The following RAB11FIP4 variants were observed in gnomAD, a reference collection of about 807,000 sequenced individuals.
RAB11FIP4 encodes the protein RAB11 family interacting protein 4.
A neutral mutation model predicts 74.3 loss-of-function variants in RAB11FIP4; 23 were observed. The ratio of observed to expected loss-of-function variants is 0.31; its 90% confidence interval spans 0.22 to 0.44. The LOEUF (loss-of-function observed/expected upper bound fraction) is 0.44. Ranked by LOEUF, RAB11FIP4 falls within the 20% of genes least tolerant of loss-of-function variation. The pLI is 1.00. For synonymous variants in RAB11FIP4, 360 were observed against 359.9 expected (o/e 1.00, Z 0.00); for missense variants, 630 against 863.9 (o/e 0.73, Z 3.39).
intron 1 of RAB11FIP4, among the ~76,000 whole-genome samples, chr17:31,400,557 C>G (rs1261181267): frequency 6.6e-6 from 1 of 152,154 alleles, no homozygotes; most frequent in Non-Finnish European, 1.5e-5. Context: ...GCAGAAGGGG[C>G]CGGGGAGAGG....
In RAB11FIP4 at chr17:31,512,056, CT is replaced by C. The variant is rs1243782435; in HGVS notation, c.337-5594del. 7.2e-5 allele frequency among the ~76,000 whole-genome samples: 11 copies of C among 152,298 alleles called. No individual in the cohort carries two copies. Among genetic ancestry groups the C allele is most frequent in the Admixed American group, 3.9e-4 (6 of 15,310 alleles). ...GTTCTCCAGCTCTCTCCAGAATGCC[CT>C]GGCCTCAGGTAATTCCTCAGCTTGG... On this transcript the variant is annotated intron_variant, in intron 3 of 14. Coordinates refer to ENST00000621161, the MANE Select transcript of RAB11FIP4 (RefSeq NM_032932.6). This position sits in a 1 kb window ranked among gnomAD's most constrained non-coding sequence, Gnocchi z 4.1.
chr17:31,447,131 A>AC (rs2071473986), intron 3 of RAB11FIP4, among the ~76,000 whole-genome samples: 1 of 152,204 alleles, frequency 6.6e-6, no homozygotes, highest in African/African-American at 2.4e-5. Flanking sequence ...AAAAATACAA[A>AC]AAATTAGCCG....
intron 3 of RAB11FIP4, among the ~76,000 whole-genome samples, chr17:31,438,241 G>T (rs558658287): frequency 6.6e-6 from 1 of 152,182 alleles, no homozygotes; most frequent in South Asian, 2.1e-4. Context: ...CGACACTCGG[G>T]TGCTAAAGGC....
chr17:31,415,639 CATT>C (rs1220989030), intron 1 of RAB11FIP4, among the ~76,000 whole-genome samples: 4 of 152,160 alleles, frequency 2.6e-5, no homozygotes, highest in Non-Finnish European at 5.9e-5. Context: ...CCAGTGCTGT[CATT>C]GTCCAGATGG....
intron 4 of RAB11FIP4, among the ~76,000 whole-genome samples, chr17:31,519,369 T>C (rs750468552): frequency 1.3e-5 from 2 of 152,196 alleles, no homozygotes; most frequent in South Asian, 4.1e-4. Context: ...ATATTGAGCA[T>C]GTACTCCCAT....
At chr17:31,497,862 C>T (rs1020058447) in intron 3 of RAB11FIP4, among the ~76,000 whole-genome samples, 1 of 152,154 alleles carries the variant, frequency 6.6e-6, no homozygotes, top group Non-Finnish European at 1.5e-5. Context: ...CCCCCTCCCT[C>T]TTGAGATTCC....
intron 3 of RAB11FIP4, among the ~76,000 whole-genome samples, chr17:31,453,148 G>A (rs1038677544): frequency 1.3e-5 from 2 of 151,952 alleles, no homozygotes; most frequent in African/African-American, 4.8e-5. Flanking sequence ...CCCAGGAGTT[G>A]GAGACCAGCC....
chr17:31,425,056 TAAGGGCATGGAGTCTGG>T (rs2071234801), intron 1 of RAB11FIP4, among the ~76,000 whole-genome samples: 1 of 152,242 alleles, frequency 6.6e-6, no homozygotes, highest in South Asian at 2.1e-4. Context: ...AATTACTGGC[TAAGGGCATGGAGTCTGG>T]AACCAGGCCT....
intron 3 of RAB11FIP4, among the ~76,000 whole-genome samples, chr17:31,506,546 C>T (rs1257412226): frequency 6.6e-6 from 1 of 152,222 alleles, no homozygotes; most frequent in African/African-American, 2.4e-5. Flanking sequence ...CCTCCCTTCT[C>T]CTACCCTCTC....
chr17:31,505,283 T>C lies in RAB11FIP4; in HGVS notation c.337-12368T>C, dbSNP rs1049174463. Among the ~76,000 whole-genome samples, 16 of 148,486 alleles carry C rather than the reference T, an allele frequency of 1.1e-4. 1 individual carries two copies. Among genetic ancestry groups the C allele is most frequent in the African/African-American group, 3.7e-4 (15 of 40,040 alleles). ...TTCATTAGCCTTTAATCTACTGGTGTTATTCTGCAGTTGTTGAGTGTAGTG... is the reference window on the plus strand; with the variant it reads ...TTCATTAGCCTTTAATCTACTGGTGCTATTCTGCAGTTGTTGAGTGTAGTG... On this transcript the variant is annotated intron_variant, in intron 3 of 14. Coordinates refer to ENST00000621161, the MANE Select transcript of RAB11FIP4 (RefSeq NM_032932.6).
intron 6 of RAB11FIP4, 136 bp downstream of exon 6, chr17:31,522,185 G>C: frequency 1.5e-6 from 2 of 1,326,096 alleles, no homozygotes; most frequent in Non-Finnish European, 2.1e-6. Context: ...TGATCCAGGG[G>C]CTTTTTCTGC....
intron 1 of RAB11FIP4, among the ~76,000 whole-genome samples, chr17:31,408,621 G>C (rs8065229): frequency 0.6 from 91,548 of 152,112 alleles, 30,341 homozygotes; most frequent in African/African-American, 0.87. Flanking sequence ...GGTAAGCCAT[G>C]CCATCCAGTT....
At chr17:31,523,475 G>T (rs372820189) in intron 7 of RAB11FIP4, 37 bp from the exon 8 acceptor site, 4 of 1,542,460 alleles carry the variant, frequency 2.6e-6, no homozygotes, top group Non-Finnish European at 3.6e-6. Flanking sequence ...TCTCTGGAAG[G>T]CCCCTGCAGC....
chr17:31,449,912 T>C (rs775713320), intron 3 of RAB11FIP4, among the ~76,000 whole-genome samples: 1 of 152,188 alleles, frequency 6.6e-6, no homozygotes, highest in Non-Finnish European at 1.5e-5. Flanking sequence ...ATCAGTTCTC[T>C]AGTCACATTT....
intron 3 of RAB11FIP4, among the ~76,000 whole-genome samples, chr17:31,503,332 C>T (rs1355972302): frequency 8.7e-5 from 13 of 149,790 alleles, no homozygotes; most frequent in Non-Finnish European, 1.3e-4. Context: ...CAGTTCAGCC[C>T]GGCCTGAATT....
chr17:31,398,228 C>T (rs942552073), intron 1 of RAB11FIP4, among the ~76,000 whole-genome samples: 2 of 152,130 alleles, frequency 1.3e-5, no homozygotes, highest in Non-Finnish European at 2.9e-5. Context: ...TTAGTAGAGA[C>T]AGGGTTTTGC....
At chr17:31,480,835 T>G (rs1003732660) in intron 3 of RAB11FIP4, among the ~76,000 whole-genome samples, 3 of 150,278 alleles carry the variant, frequency 2.0e-5, no homozygotes, top group African/African-American at 7.3e-5. Flanking sequence ...ATAGTCTCCC[T>G]GCCTCCAGGG....
At chr17:31,401,148 T>C (rs2070981674) in intron 1 of RAB11FIP4, among the ~76,000 whole-genome samples, 1 of 152,066 alleles carries the variant, frequency 6.6e-6, no homozygotes, top group Admixed American at 6.5e-5. Context: ...GGTGGGCGAC[T>C]GTAGTCCCAG....
chr17:31,475,754 C>T (rs1429142598), intron 3 of RAB11FIP4, among the ~76,000 whole-genome samples: 2 of 151,314 alleles, frequency 1.3e-5, no homozygotes, highest in Non-Finnish European at 2.9e-5. Context: ...AACAAGTGTC[C>T]TCTTCACGGT....
Sources: allele counts gnomAD v4.1 joint callset (sites outside exome capture counted in the v4.1 genomes callset), GRCh38; gene constraint gnomAD v4.1.1; non-coding constraint Gnocchi (gnomAD v3.1); transcripts MANE v1.5; gene names NCBI Gene and HGNC (gene_info 2026-07-23, HGNC 2026-07-21).